SLC5A4: variants seen among roughly 807,000 people sequenced by gnomAD.
The protein encoded by SLC5A4 is solute carrier family 5 member 4.
Under a neutral mutation model 70.3 loss-of-function variants are expected in SLC5A4, and 55 were observed. That is an observed-to-expected ratio of 0.78 (90% CI 0.63 to 0.98). The LOEUF (loss-of-function observed/expected upper bound fraction) is 0.98. Among genes scored for constraint, SLC5A4 ranks in the 50% least tolerant of loss-of-function variants. SLC5A4 has a pLI of 0.00. For missense variants in SLC5A4, 735 were observed against 839.2 expected, an observed-to-expected ratio of 0.88 and a Z score of 1.53; for synonymous variants, 268 against 305.7, an observed-to-expected ratio of 0.88 and a Z score of 1.29.
At chr22:32,290,950 A>G in the SLC5A4 span, among the ~76,000 whole-genome samples, 2 of 152,138 alleles carry the variant, frequency 1.3e-5, no homozygotes, top group African/African-American at 4.8e-5. Flanking sequence ...GGGGGAAAAC[A>G]TACATTTGAA....
At position 32,220,608 on chromosome 22, in the gene SLC5A4, G is replaced by C. The variant is rs535641823; in HGVS notation, c.1768+312C>G. ...TGAGAAGTAAAGTTGGAGAGAAGGTGGGGCTAGATGCTTATTTGCAGACAA... is the reference window on the plus strand; with the variant it reads ...TGAGAAGTAAAGTTGGAGAGAAGGTCGGGCTAGATGCTTATTTGCAGACAA... On this transcript the variant is annotated intron_variant, in intron 14 of 14. Transcript: ENST00000266086. Among the ~76,000 whole-genome samples, 132 of 152,288 alleles carry C rather than the reference G, an allele frequency of 8.7e-4. 1 individual carries two copies. Among genetic ancestry groups the C allele is most frequent in the Non-Finnish European group, 4.7e-4 (32 of 68,018 alleles).
At chr22:32,274,735 A>G in the SLC5A4 span, among the ~76,000 whole-genome samples, 1 of 152,362 alleles carries the variant, frequency 6.6e-6, no homozygotes, top group East Asian at 1.9e-4. Flanking sequence ...AGTTTATCTT[A>G]AAAAGACAAA....
chr22:32,315,479 G>A, the SLC5A4 span, among the ~76,000 whole-genome samples: 1 of 152,090 alleles, frequency 6.6e-6, no homozygotes, highest in African/African-American at 2.4e-5. Flanking sequence ...CAAGAAGAGG[G>A]AAAGTAGAAA....
chr22:32,229,395 G>C, intron 10 of SLC5A4, 51 bp from the exon 11 acceptor site: 1 of 1,589,298 alleles, frequency 6.3e-7, no homozygotes, highest in Non-Finnish European at 8.6e-7. Flanking sequence ...ACACTGCCTT[G>C]CTAAACCAGA....
At chr22:32,254,648 C>T (rs905288492) in intron 1 of SLC5A4, among the ~76,000 whole-genome samples, 2 of 152,020 alleles carry the variant, frequency 1.3e-5, no homozygotes, top group African/African-American at 2.4e-5. Flanking sequence ...ACTAAAAATA[C>T]AAAAAGTTAG....
chr22:32,354,348 A>G, the SLC5A4 span, among the ~76,000 whole-genome samples: 1 of 145,098 alleles, frequency 6.9e-6, no homozygotes, highest in African/African-American at 2.6e-5. Flanking sequence ...GTCCCCCACC[A>G]CAGCACTGCA....
At position 32,249,712 on chromosome 22, in the gene SLC5A4, T is replaced by A. The variant is rs1229683682; in HGVS notation, c.313-910A>T. 2.6e-5 allele frequency among the ~76,000 whole-genome samples: 4 copies of A among 152,212 alleles called. 1 individual carries two copies. The South Asian group carries it at 8.3e-4, about 32-fold the overall frequency. ...GTCTTCTGCCGAATATGCACATGCA[T>A]GTACATGAAAACACCAGAAAGAGTA... On this transcript the variant is annotated intron_variant, in intron 3 of 14. Transcript: ENST00000266086.
chr22:32,237,318 A>T lies in SLC5A4; in HGVS notation c.590T>A (p.Leu197Ter). ...GGTGTCTGTGTAAATCACCGAGGCC[A>T]AGCCCCCTAGTGAGAGAAAGAAAAG... ...MTAVYTTTGG[L>*]ASVIYTDTLQ... Residue 197 changes from leucine to a stop codon, truncating the protein, a stop_gained, in exon 7 of 15, where the codon TTG becomes TAG. Transcript: ENST00000266086. LOFTEE classifies it high-confidence loss of function. 1.9e-6 allele frequency: 3 copies of T among 1,599,646 alleles called. No individual in the cohort carries two copies. The highest frequency in any genetic ancestry group is 2.6e-6 in the Non-Finnish European group (3 of 1,172,964).
the SLC5A4 span, among the ~76,000 whole-genome samples, chr22:32,307,384 G>A: frequency 3.3e-5 from 5 of 152,132 alleles, no homozygotes; most frequent in Non-Finnish European, 7.3e-5. Context: ...TCATGGGTGG[G>A]ACTTCTGAAT....
chr22:32,347,584 T>C, the SLC5A4 span, among the ~76,000 whole-genome samples: 1 of 151,580 alleles, frequency 6.6e-6, no homozygotes. Context: ...AAACCATCAT[T>C]CTCAGCAAAC....
At chr22:32,334,140 G>GAC in the SLC5A4 span, among the ~76,000 whole-genome samples, 46,251 of 147,266 alleles carry the variant, frequency 0.31, 8,538 homozygotes, top group African/African-American at 0.52. Flanking sequence ...CACCATGCCA[G>GAC]ACAACACACA....
chr22:32,280,745 C>T, the SLC5A4 span, among the ~76,000 whole-genome samples: 1 of 152,164 alleles, frequency 6.6e-6, no homozygotes, highest in Non-Finnish European at 1.5e-5. Context: ...AACCAACTAA[C>T]GACGGGCATG....
At chr22:32,236,794 T>A (rs78443803) in intron 7 of SLC5A4, among the ~76,000 whole-genome samples, 1 of 151,888 alleles carries the variant, frequency 6.6e-6, no homozygotes, top group Admixed American at 6.6e-5. Flanking sequence ...AACCTCCGAT[T>A]TCCGGGTTCA....
At chr22:32,309,675 C>T in the SLC5A4 span, among the ~76,000 whole-genome samples, 3 of 152,064 alleles carry the variant, frequency 2.0e-5, no homozygotes, top group East Asian at 5.8e-4. Context: ...ACCTGCTTTC[C>T]ACACCGAGTG....
chr22:32,295,333 CCTGA>C, the SLC5A4 span, among the ~76,000 whole-genome samples: 10 of 105,744 alleles, frequency 9.5e-5, 1 homozygote, highest in Non-Finnish European at 2.1e-4. Context: ...CCTGTTGTTT[CCTGA>C]CTTTTTAATG....
At chr22:32,328,401 C>T in the SLC5A4 span, among the ~76,000 whole-genome samples, 1 of 152,244 alleles carries the variant, frequency 6.6e-6, no homozygotes, top group African/African-American at 2.4e-5. Context: ...GATGTCCCTT[C>T]CAAGGTTAGG....
chr22:32,306,108 G>A, the SLC5A4 span, among the ~76,000 whole-genome samples: 485 of 152,224 alleles, frequency 3.2e-3, 4 homozygotes, highest in African/African-American at 0.011. Flanking sequence ...TGAAGCAAAC[G>A]TCAATCTAGG....
the SLC5A4 span, among the ~76,000 whole-genome samples, chr22:32,330,698 GCT>G: frequency 3.3e-5 from 3 of 90,068 alleles, no homozygotes; most frequent in Non-Finnish European, 4.3e-5. Flanking sequence ...TGTGTTGGGG[GCT>G]CTGTGTGTAT....
chr22:32,287,404 T>C, the SLC5A4 span, among the ~76,000 whole-genome samples: 1 of 152,208 alleles, frequency 6.6e-6, no homozygotes, highest in Non-Finnish European at 1.5e-5. Flanking sequence ...GCTTTCACAA[T>C]GTCTACTCAG....
Sources: gnomAD v4.1 joint callset for allele counts (sites outside exome capture counted in the v4.1 genomes callset) on GRCh38, gnomAD v4.1.1 for gene constraint, MANE v1.5 for transcripts, NCBI Gene and HGNC (gene_info 2026-07-23, HGNC 2026-07-21) for gene names.